MAN2A1: variants seen among roughly 807,000 people sequenced by gnomAD.
MAN2A1 encodes the protein mannosidase alpha class 2A member 1.
In MAN2A1, 76 loss-of-function variants were observed where a neutral mutation model predicts 142.6. The observed-to-expected ratio is 0.53, with a 90% CI of 0.44 to 0.65. The LOEUF (loss-of-function observed/expected upper bound fraction) is 0.65. Ranked by LOEUF, MAN2A1 falls within the 30% of genes least tolerant of loss-of-function variation. The pLI is 0.00. For synonymous variants in MAN2A1, 559 were observed against 473.2 expected, an observed-to-expected ratio of 1.18 and a Z score of -2.35; for missense variants, 1,311 against 1,365.1, an observed-to-expected ratio of 0.96 and a Z score of 0.62.
chr5:109,716,142 T>C lies in MAN2A1; in HGVS notation c.413T>C (p.Ile138Thr). 3.1e-6 allele frequency: 5 copies of C among 1,609,878 alleles called. No individual in the cohort carries two copies. Among genetic ancestry groups the C allele is most frequent in the Non-Finnish European group, 4.2e-6 (5 of 1,177,422 alleles). ...DVQMLDVYSL[I>T]SFDNPDGGVW... ...TAGATGTTGGATGTTTACAGTCTAA[T>C]TTCTTTTGACAATCCAGATGGTGGA... The change falls in exon 3 of 22, where the codon ATT (isoleucine) becomes ACT (threonine). Residue 138 changes from isoleucine to threonine, a missense_variant. Ile to Thr is a moderately conservative substitution (Grantham distance 89, BLOSUM62 -1). This residue lies in a region of MAN2A1 where 409 missense variants were observed against 412.7 expected (regional missense o/e 0.99). Transcript: ENST00000261483.
chr5:109,733,271 A>T (rs908495610), intron 4 of MAN2A1, among the ~76,000 whole-genome samples: 33 of 152,140 alleles, frequency 2.2e-4, no homozygotes, highest in African/African-American at 8.0e-4. Flanking sequence ...GATTGAGACG[A>T]TGGGGTTTTC....
chr5:109,753,083 A>G (rs1397730774), intron 4 of MAN2A1, among the ~76,000 whole-genome samples: 1 of 152,182 alleles, frequency 6.6e-6, no homozygotes, highest in Non-Finnish European at 1.5e-5. Context: ...CGAAGAGTTT[A>G]TTTTTGATTT....
At chr5:109,842,805 G>GTTTTTTTTTTTTTTTTT (rs1561539636) in intron 17 of MAN2A1, among the ~76,000 whole-genome samples, 5 of 102,318 alleles carry the variant, frequency 4.9e-5, no homozygotes, top group Non-Finnish European at 1.0e-4. Context: ...ATACTTATTG[G>GTTTTTTTTTTTTTTTTT]GTTTTTTTTT....
At chr5:109,850,002 G>A (rs942584541) in intron 19 of MAN2A1, among the ~76,000 whole-genome samples, 4 of 152,072 alleles carry the variant, frequency 2.6e-5, no homozygotes, top group African/African-American at 9.7e-5. Context: ...TGATAGTTCC[G>A]GTTAGTGCTT....
chr5:109,859,956 A>C lies in MAN2A1; in HGVS notation c.3171+4622A>C, dbSNP rs7735240. Among the ~76,000 whole-genome samples, 759 of 150,028 alleles carry C rather than the reference A, an allele frequency of 5.1e-3. 6 individuals are homozygous for C. The highest frequency in any genetic ancestry group is 0.018 in the African/African-American group (716 of 40,808). ...TTATATAAACATGATATATATATAT[A>C]TCTTAACTCTTTCTCTATGTAATTT... On this transcript the variant is annotated intron_variant, in intron 20 of 21. Transcript: ENST00000261483.
At chr5:109,717,368 T>C (rs1224858295) in intron 3 of MAN2A1, among the ~76,000 whole-genome samples, 1 of 152,150 alleles carries the variant, frequency 6.6e-6, no homozygotes, top group Non-Finnish European at 1.5e-5. Context: ...CTTTTGGATG[T>C]GAGAGGTAGT....
intron 12 of MAN2A1, among the ~76,000 whole-genome samples, chr5:109,810,791 A>C (rs1405365149): frequency 6.6e-6 from 1 of 152,092 alleles, no homozygotes; most frequent in East Asian, 1.9e-4. Flanking sequence ...CAGGCAAATG[A>C]TTATTATTTT....
intron 1 of MAN2A1, among the ~76,000 whole-genome samples, chr5:109,694,784 A>G (rs1388879972): frequency 6.6e-6 from 1 of 152,088 alleles, no homozygotes; most frequent in Non-Finnish European, 1.5e-5. Flanking sequence ...AATACATATA[A>G]CTAGGACTTT....
chr5:109,784,604 A>G (rs969239314), intron 9 of MAN2A1, 140 bp from the exon 10 acceptor site: 3 of 612,640 alleles, frequency 4.9e-6, no homozygotes, highest in African/African-American at 3.7e-5. Flanking sequence ...TATATGAACT[A>G]TTATTACCAA....
At chr5:109,819,193 T>G (rs1754552908) in intron 13 of MAN2A1, among the ~76,000 whole-genome samples, 1 of 152,240 alleles carries the variant, frequency 6.6e-6, no homozygotes, top group Non-Finnish European at 1.5e-5. Flanking sequence ...TCTGCCCAAC[T>G]GTGGGCTAAT....
intron 5 of MAN2A1, among the ~76,000 whole-genome samples, chr5:109,759,370 GC>G (rs1166025127): frequency 6.6e-6 from 1 of 152,032 alleles, no homozygotes; most frequent in Non-Finnish European, 1.5e-5. Context: ...ATTATTCATT[GC>G]TAGTATGTAG....
rs1002982856 is a variant in MAN2A1, at chr5:109,869,592, T to C, written c.*2594T>C. 6.6e-6 allele frequency: 1 copy of C among 152,206 alleles called. No homozygotes were observed. Among genetic ancestry groups the C allele is most frequent in the Non-Finnish European group, 1.5e-5 (1 of 68,040 alleles). The allele number at this position is 152,206 out of a possible 1,614,324, so 9.4% of individuals were successfully genotyped here. A position where few individuals can be genotyped will look rare whatever the true frequency, so the allele number is the denominator to read the frequency against. On this transcript the variant is annotated 3_prime_UTR_variant, in exon 22 of 22. Coordinates refer to ENST00000261483, the MANE Select transcript of MAN2A1 (RefSeq NM_002372.4). ...TATATCTTTTTGGGAATATGTAATATAAGATCTCTAATAAAAGATAATCTT... is the reference window on the plus strand; with the variant it reads ...TATATCTTTTTGGGAATATGTAATACAAGATCTCTAATAAAAGATAATCTT...
intron 4 of MAN2A1, among the ~76,000 whole-genome samples, chr5:109,731,845 A>G (rs1751922604): frequency 6.7e-6 from 1 of 148,778 alleles, no homozygotes. Context: ...TCTTTATAGC[A>G]GCATGATTTA....
At chr5:109,690,591 C>G (rs765017618) in intron 1 of MAN2A1, 39 bp downstream of exon 1, 18 of 1,553,498 alleles carry the variant, frequency 1.2e-5, no homozygotes, top group Non-Finnish European at 1.4e-5. Flanking sequence ...TCCGAGGGGC[C>G]AGGCGTGCGG....
intron 6 of MAN2A1, among the ~76,000 whole-genome samples, chr5:109,768,150 C>T (rs1381458794): frequency 6.6e-6 from 1 of 152,132 alleles, no homozygotes; most frequent in African/African-American, 2.4e-5. Context: ...TAAAACAGCC[C>T]TAATGTCAAA....
chr5:109,735,805 G>A (rs969889136), intron 4 of MAN2A1, among the ~76,000 whole-genome samples: 21 of 149,992 alleles, frequency 1.4e-4, no homozygotes, highest in African/African-American at 4.6e-4. Context: ...AATCTTTTTG[G>A]ATTTTGATGA....
At chr5:109,721,366 G>A (rs1030589850) in intron 3 of MAN2A1, among the ~76,000 whole-genome samples, 1 of 152,050 alleles carries the variant, frequency 6.6e-6, no homozygotes, top group East Asian at 1.9e-4. Context: ...GTTATTAATA[G>A]GGTTGTCAGA....
At chr5:109,832,648 C>A (rs996095568) in intron 16 of MAN2A1, among the ~76,000 whole-genome samples, 1 of 152,204 alleles carries the variant, frequency 6.6e-6, no homozygotes, top group Non-Finnish European at 1.5e-5. Flanking sequence ...TCGACAAAAC[C>A]GCCATCGTCA....
At chr5:109,858,529 C>T (rs1755680594) in intron 20 of MAN2A1, among the ~76,000 whole-genome samples, 2 of 152,212 alleles carry the variant, frequency 1.3e-5, no homozygotes, top group Admixed American at 6.5e-5. Context: ...GTGCTGGAAG[C>T]TTCCAATGTG....
Sources: allele counts gnomAD v4.1 joint callset (sites outside exome capture counted in the v4.1 genomes callset), GRCh38; gene constraint gnomAD v4.1.1; regional missense constraint gnomAD v4.1.1; transcripts MANE v1.5; gene names NCBI Gene and HGNC (gene_info 2026-07-23, HGNC 2026-07-21).